Variants in PARD3B observed in about 807,000 individuals in gnomAD.
The protein encoded by PARD3B is par-3 family cell polarity regulator beta.
In PARD3B, 103 loss-of-function variants were observed where a neutral mutation model predicts 130.2. The observed-to-expected ratio is 0.79, with a 90% CI of 0.67 to 0.93. The LOEUF is 0.93. PARD3B is among the 40% of genes least tolerant of loss of function. The probability of loss-of-function intolerance (pLI) is 0.00; values close to 1 mark genes in which losing one functional copy is unlikely to be tolerated. For missense variants in PARD3B, 1,609 were observed against 1,499.2 expected (o/e 1.07, Z -1.21); for synonymous variants, 583 against 553.2 (o/e 1.05, Z -0.76).
intron 12 of PARD3B, 135 bp downstream of exon 12, chr2:205,172,516 G>A (rs954732087): frequency 1.1e-6 from 1 of 887,400 alleles, no homozygotes; most frequent in Non-Finnish European, 1.7e-6. Flanking sequence ...GAAACAGGTG[G>A]TTGTGTATTT....
intron 18 of PARD3B, among the ~76,000 whole-genome samples, chr2:205,360,406 G>T (rs557271469): frequency 2.0e-5 from 3 of 150,310 alleles, no homozygotes; most frequent in African/African-American, 7.3e-5. Flanking sequence ...TGGGCTTTTA[G>T]GATCTTAAGA....
intron 2 of PARD3B, among the ~76,000 whole-genome samples, chr2:204,916,444 G>C (rs1409225072): frequency 6.6e-6 from 1 of 151,930 alleles, no homozygotes; most frequent in East Asian, 1.9e-4. Flanking sequence ...AAATTGTCTT[G>C]GTTAACTCAA....
At chr2:204,864,689 A>G (rs2045341968) in intron 2 of PARD3B, among the ~76,000 whole-genome samples, 1 of 152,150 alleles carries the variant, frequency 6.6e-6, no homozygotes, top group Non-Finnish European at 1.5e-5. Flanking sequence ...TTATGGGCTT[A>G]AGGTCTATCT....
At chr2:205,097,215 A>G (rs1300765647) in intron 4 of PARD3B, among the ~76,000 whole-genome samples, 2 of 152,210 alleles carry the variant, frequency 1.3e-5, no homozygotes, top group Non-Finnish European at 2.9e-5. Context: ...GTAAAGTATA[A>G]TGAAGACATT....
chr2:205,501,871 G>A (rs141908506), intron 21 of PARD3B, among the ~76,000 whole-genome samples: 69 of 152,140 alleles, frequency 4.5e-4, no homozygotes, highest in Middle Eastern at 6.8e-3. Context: ...CCAAGTAAAC[G>A]TGTAACCAGA....
intron 19 of PARD3B, among the ~76,000 whole-genome samples, chr2:205,415,368 C>T (rs1003563347): frequency 2.0e-5 from 3 of 151,938 alleles, no homozygotes; most frequent in Admixed American, 6.6e-5. Flanking sequence ...AAAGCCTTGC[C>T]GAGAAAGGTA....
chr2:205,278,921 A>T (rs2041063154), intron 16 of PARD3B, among the ~76,000 whole-genome samples: 3 of 151,768 alleles, frequency 2.0e-5, no homozygotes, highest in Non-Finnish European at 4.4e-5. Context: ...AAATATAAAA[A>T]TTAGCTGAGT....
At chr2:205,223,660 C>G (rs1312521967) in intron 15 of PARD3B, among the ~76,000 whole-genome samples, 1 of 152,124 alleles carries the variant, frequency 6.6e-6, no homozygotes, top group Non-Finnish European at 1.5e-5. Flanking sequence ...ATAAAACTTG[C>G]CTGTTCTCAG....
intron 20 of PARD3B, among the ~76,000 whole-genome samples, chr2:205,498,765 T>C (rs559761475): frequency 1.3e-5 from 2 of 152,306 alleles, no homozygotes; most frequent in African/African-American, 4.8e-5. Context: ...TGAGCACCTT[T>C]GTATCCTTCA....
chr2:205,382,810 A>T (rs2045500385), intron 18 of PARD3B, among the ~76,000 whole-genome samples: 1 of 152,086 alleles, frequency 6.6e-6, no homozygotes, highest in East Asian at 1.9e-4. Flanking sequence ...TGTTGCTCAG[A>T]TTATTCAGTA....
In PARD3B at chr2:205,352,383, A is replaced by G. The variant is rs549090701; in HGVS notation, c.2631-48630A>G. ...ACAGGGACTCTTGTAAATGGGTTTC[A>G]TATGGTAACTAGTGACCTTGAAGGA... On this transcript the variant is annotated intron_variant, in intron 18 of 22. Transcript: ENST00000406610. The surrounding 1 kb of genome is among the most constrained non-coding windows in gnomAD (Gnocchi z 5.2). Among the ~76,000 whole-genome samples, 1 of 152,310 alleles carries G rather than the reference A, an allele frequency of 6.6e-6. No individual in the cohort carries two copies. Among genetic ancestry groups the G allele is most frequent in the East Asian group, 1.9e-4 (1 of 5,186 alleles).
At chr2:205,043,087 C>T (rs1249212973) in intron 3 of PARD3B, among the ~76,000 whole-genome samples, 1 of 151,926 alleles carries the variant, frequency 6.6e-6, no homozygotes, top group Non-Finnish European at 1.5e-5. Flanking sequence ...TAATGAATAG[C>T]AAAATTTTCC....
Position 205,253,218 on chromosome 2 carries a change from G to A in PARD3B, c.2185+7396G>A, listed in dbSNP as rs373587602. ...CAGGTGTTGACCAGCAATTTCCTGC[G>A]GCATTTACTTCTTGATAACAAGAGT... On this transcript the variant is annotated intron_variant, in intron 16 of 22. Coordinates refer to ENST00000406610, the MANE Select transcript of PARD3B (RefSeq NM_001302769.2). This position sits in a 1 kb window ranked among gnomAD's most constrained non-coding sequence, Gnocchi z 4.4. 78 of 412,182 alleles carry A rather than the reference G, an allele frequency of 1.9e-4. No homozygotes were observed. Among genetic ancestry groups the A allele is most frequent in the African/African-American group, 6.1e-4 (30 of 49,128 alleles). The allele number at this position is 412,182 out of a possible 1,614,324, so 25.5% of individuals were successfully genotyped here. A position where few individuals can be genotyped will look rare whatever the true frequency, so the allele number is the denominator to read the frequency against.
At position 205,176,034 on chromosome 2, in the gene PARD3B, A is replaced by G. The variant is rs768328870; in HGVS notation, c.1792-411A>G. Among the ~76,000 whole-genome samples the G allele has an allele frequency of 6.6e-6, 1 of 152,198 alleles. No homozygotes were observed. Among genetic ancestry groups the G allele is most frequent in the Non-Finnish European group, 1.5e-5 (1 of 68,036 alleles). ...ACCTGCTTGAATTCTGACTTGTCCT[A>G]GAGCATATGCACTTAGGCGCAGAGA... is the stretch of plus-strand genomic sequence containing the variant. On this transcript the variant is annotated intron_variant, in intron 12 of 22. Coordinates refer to ENST00000406610, the MANE Select transcript of PARD3B (RefSeq NM_001302769.2). This position sits in a 1 kb window ranked among gnomAD's most constrained non-coding sequence, Gnocchi z 5.3.
Position 205,292,108 on chromosome 2 carries a change from A to G in PARD3B, c.2186-8422A>G, listed in dbSNP as rs570963630. Among the ~76,000 whole-genome samples the G allele has an allele frequency of 6.0e-4, 91 of 152,322 alleles. No homozygotes were observed. Among genetic ancestry groups the G allele is most frequent in the Middle Eastern group, 3.4e-3 (1 of 294 alleles). ...GTCAAATTGCTTGGACACCCCAGGTAGAGCTCCAGTGGGACCCAGTGTAGC... is the reference window on the plus strand; with the variant it reads ...GTCAAATTGCTTGGACACCCCAGGTGGAGCTCCAGTGGGACCCAGTGTAGC... On this transcript the variant is annotated intron_variant, in intron 16 of 22. Transcript: ENST00000406610. The surrounding 1 kb of genome is among the most constrained non-coding windows in gnomAD (Gnocchi z 5.3).
chr2:204,936,387 A>G (rs1688461234), intron 2 of PARD3B, among the ~76,000 whole-genome samples: 1 of 152,242 alleles, frequency 6.6e-6, no homozygotes, highest in African/African-American at 2.4e-5. Context: ...AATATTGTTG[A>G]TCAATCTATT....
In PARD3B at chr2:205,253,068, C is replaced by T. The variant is rs552552623; in HGVS notation, c.2185+7246C>T. On this transcript the variant is annotated intron_variant, in intron 16 of 22. Transcript: ENST00000406610. The surrounding 1 kb of genome is among the most constrained non-coding windows in gnomAD (Gnocchi z 4.4). The stretch of plus-strand genomic sequence containing the variant: ...CTTGTCAGCTATTGCTGCAACTATG[C>T]TGCATAATAAAACCAACAGTAAACA... Among the ~76,000 whole-genome samples, 1 of 152,064 alleles carries T rather than the reference C, an allele frequency of 6.6e-6. No individual in the cohort carries two copies. Among genetic ancestry groups the T allele is most frequent in the Non-Finnish European group, 1.5e-5 (1 of 68,004 alleles).
In PARD3B at chr2:204,926,917, A is replaced by G. The variant is rs143032760; in HGVS notation, c.223-38235A>G. On this transcript the variant is annotated intron_variant, in intron 2 of 22. Coordinates refer to ENST00000406610, the MANE Select transcript of PARD3B (RefSeq NM_001302769.2). ...TCTAAACATACATGACAAAAGATAT[A>G]TATGTGTCACCTAACAGCTAAGCTA... Among the ~76,000 whole-genome samples the G allele has an allele frequency of 3.8e-3, 586 of 152,264 alleles. 1 individual carries two copies. The highest frequency in any genetic ancestry group is 6.8e-3 in the Middle Eastern group (2 of 294).
chr2:205,147,793 C>T (rs1241300062), intron 10 of PARD3B, among the ~76,000 whole-genome samples: 1 of 152,114 alleles, frequency 6.6e-6, no homozygotes, highest in East Asian at 1.9e-4. Flanking sequence ...TTTTCTTTTA[C>T]TGAAAGTAAA....
Sources: allele counts gnomAD v4.1 joint callset (sites outside exome capture counted in the v4.1 genomes callset), GRCh38; gene constraint gnomAD v4.1.1; non-coding constraint Gnocchi (gnomAD v3.1); transcripts MANE v1.5; gene names NCBI Gene and HGNC (gene_info 2026-07-23, HGNC 2026-07-21).